The following HDAC4 variants were observed in gnomAD, a reference collection of about 807,000 sequenced individuals.
HDAC4 encodes histone deacetylase A.
A neutral mutation model predicts 135.1 loss-of-function variants in HDAC4; 16 were observed. That is an observed-to-expected ratio of 0.12 (90% CI 0.08 to 0.18). The LOEUF is 0.18. Among genes scored for constraint, HDAC4 ranks in the 10% least tolerant of loss-of-function variants. The pLI, the probability that HDAC4 is intolerant of heterozygous loss-of-function variation, is 1.00. For synonymous variants in HDAC4, 685 were observed against 653.4 expected, an observed-to-expected ratio of 1.05 and a Z score of -0.74; for missense variants, 1,143 against 1,511.8, an observed-to-expected ratio of 0.76 and a Z score of 4.05.
chr2:239,353,015 T>G (rs1318361975), intron 1 of HDAC4, 97 bp from the exon 2 acceptor site: 1 of 383,684 alleles, frequency 2.6e-6, no homozygotes, highest in Non-Finnish European at 4.9e-6. Context: ...CTTCCTCTTT[T>G]TTTTTGGAGA....
intron 4 of HDAC4, among the ~76,000 whole-genome samples, chr2:239,184,237 C>G (rs1167742465): frequency 6.6e-6 from 1 of 152,230 alleles, no homozygotes; most frequent in Non-Finnish European, 1.5e-5. Context: ...CGATGTGCAA[C>G]CTACATACAA....
At chr2:239,164,513 G>A (rs1014009227) in intron 5 of HDAC4, among the ~76,000 whole-genome samples, 11 of 152,198 alleles carry the variant, frequency 7.2e-5, no homozygotes, top group African/African-American at 1.9e-4. Flanking sequence ...CTTCCGTGGC[G>A]GTGATTCTTT....
intron 19 of HDAC4, among the ~76,000 whole-genome samples, chr2:239,085,202 A>G (rs2152702057): frequency 6.6e-6 from 1 of 152,286 alleles, no homozygotes; most frequent in African/African-American, 2.4e-5. Flanking sequence ...GAGACATGGC[A>G]GCCGTTCATC....
intron 2 of HDAC4, among the ~76,000 whole-genome samples, chr2:239,274,340 C>T (rs936933980): frequency 1.3e-5 from 2 of 152,194 alleles, no homozygotes; most frequent in African/African-American, 4.8e-5. Flanking sequence ...CCACGATTCC[C>T]TGGAAGAGTC....
At chr2:239,286,740 G>A (rs1269440831) in intron 2 of HDAC4, among the ~76,000 whole-genome samples, 1 of 150,396 alleles carries the variant, frequency 6.6e-6, no homozygotes, top group African/African-American at 2.5e-5. Context: ...GACACAGACA[G>A]ACAAGGAAGG....
intron 22 of HDAC4, among the ~76,000 whole-genome samples, chr2:239,079,310 G>A (rs1036159021): frequency 6.6e-6 from 1 of 152,250 alleles, no homozygotes; most frequent in African/African-American, 2.4e-5. Context: ...GAGATCAGGG[G>A]AAAAGTGGTT....
intron 24 of HDAC4, among the ~76,000 whole-genome samples, chr2:239,057,867 G>C (rs2032113986): frequency 6.6e-6 from 1 of 152,208 alleles, no homozygotes; most frequent in Admixed American, 6.5e-5. Context: ...AGGAAAGCCT[G>C]GATGAACAGG....
At chr2:239,144,511 G>C (rs916556550) in intron 8 of HDAC4, 72 bp downstream of exon 8, 2 of 1,598,686 alleles carry the variant, frequency 1.3e-6, no homozygotes, top group African/African-American at 2.7e-5. Flanking sequence ...AAGCTCCTGA[G>C]AGAAATCGCC....
intron 2 of HDAC4, among the ~76,000 whole-genome samples, chr2:239,300,787 T>C (rs897211718): frequency 2.6e-5 from 4 of 152,270 alleles, no homozygotes; most frequent in African/African-American, 7.2e-5. Flanking sequence ...TTTCCTTCTT[T>C]ATCCTCTTCC....
chr2:239,378,728 G>C (rs1020730243), intron 1 of HDAC4, among the ~76,000 whole-genome samples: 3 of 152,056 alleles, frequency 2.0e-5, no homozygotes, highest in Non-Finnish European at 4.4e-5. Context: ...ATAACCCCAG[G>C]AACCAATGAC....
In HDAC4 at chr2:239,229,641, A is replaced by G. The variant is rs557110279; in HGVS notation, c.94+6952T>C. Among the ~76,000 whole-genome samples the G allele has an allele frequency of 2.0e-5, 3 of 152,318 alleles. No homozygotes were observed. In the South Asian group the frequency reaches 6.2e-4, roughly 32 times the overall value. On this transcript the variant is annotated intron_variant, in intron 3 of 26. Transcript: ENST00000543185. ...ATTACAGGCAACACATGTAAGGTAT[A>G]TATTGGTTTGGCCCAGAACATCTTG...
intron 20 of HDAC4, among the ~76,000 whole-genome samples, chr2:239,083,411 T>C (rs2035550528): frequency 1.3e-5 from 2 of 152,224 alleles, no homozygotes; most frequent in African/African-American, 4.8e-5. Context: ...CGAAACAGCA[T>C]GGCTGTCCTG....
intron 3 of HDAC4, among the ~76,000 whole-genome samples, chr2:239,236,296 G>T (rs977768592): frequency 2.0e-5 from 3 of 152,142 alleles, no homozygotes; most frequent in Non-Finnish European, 4.4e-5. Flanking sequence ...TCAGGGCCAG[G>T]GGTTACACCT....
At chr2:239,295,775 G>A (rs959113785) in intron 2 of HDAC4, among the ~76,000 whole-genome samples, 14 of 152,114 alleles carry the variant, frequency 9.2e-5, no homozygotes, top group Non-Finnish European at 1.5e-4. Flanking sequence ...CACTACCAAT[G>A]ACTTTTGCAC....
rs924064265 is a variant in HDAC4, at chr2:239,313,900, C to A, written c.22+38778G>T. 6.6e-6 allele frequency among the ~76,000 whole-genome samples: 1 copy of A among 152,186 alleles called. No homozygotes were observed. The highest frequency in any genetic ancestry group is 1.5e-5 in the Non-Finnish European group (1 of 68,028). On this transcript the variant is annotated intron_variant, in intron 2 of 26. Transcript: ENST00000543185. This position sits in a 1 kb window ranked among gnomAD's most constrained non-coding sequence, Gnocchi z 5.1. ...GGGCAGCCACCTGCACTGCCTCTTACCACTGCACCGTCCCTGTGAGTGTGC... is the reference window on the plus strand; with the variant it reads ...GGGCAGCCACCTGCACTGCCTCTTAACACTGCACCGTCCCTGTGAGTGTGC...
At chr2:239,114,591 A>G (rs1450762038) in intron 13 of HDAC4, among the ~76,000 whole-genome samples, 1 of 152,196 alleles carries the variant, frequency 6.6e-6, no homozygotes, top group Non-Finnish European at 1.5e-5. Flanking sequence ...GGGTGCCACA[A>G]TCGCACCCGT....
At chr2:239,129,472 C>T (rs1198297552) in intron 11 of HDAC4, among the ~76,000 whole-genome samples, 1 of 152,216 alleles carries the variant, frequency 6.6e-6, no homozygotes, top group Non-Finnish European at 1.5e-5. Flanking sequence ...AGCCTGGCTC[C>T]TGTGGTCCCA....
At chr2:239,096,617 G>A (rs1465064946) in intron 16 of HDAC4, among the ~76,000 whole-genome samples, 1 of 53,816 alleles carries the variant, frequency 1.9e-5, no homozygotes, top group Non-Finnish European at 3.3e-5. Context: ...CACCCCCCAC[G>A]GATGCCAGCA....
At chr2:239,260,004 C>T (rs1486451015) in intron 2 of HDAC4, among the ~76,000 whole-genome samples, 1 of 152,232 alleles carries the variant, frequency 6.6e-6, no homozygotes, top group Non-Finnish European at 1.5e-5. Context: ...AGGCTGAAGA[C>T]TCAAGGAGCC....
Sources: gnomAD v4.1 joint callset for allele counts (sites outside exome capture counted in the v4.1 genomes callset) on GRCh38, gnomAD v4.1.1 for gene constraint, Gnocchi (gnomAD v3.1) non-coding constraint, MANE v1.5 for transcripts, NCBI Gene and HGNC (gene_info 2026-07-23, HGNC 2026-07-21) for gene names.